Variants in TC2N observed in about 807,000 individuals in gnomAD.
TC2N encodes the protein tandem C2 domains, nuclear.
A neutral mutation model predicts 61.9 loss-of-function variants in TC2N; 51 were observed. The observed-to-expected ratio is 0.82, with a 90% CI of 0.66 to 1.04. The LOEUF is 1.04. Among genes scored for constraint, TC2N ranks in the 50% least tolerant of loss-of-function variants. The pLI, the probability that TC2N is intolerant of heterozygous loss-of-function variation, is 0.00. For synonymous variants in TC2N, 204 were observed against 192.6 expected (o/e 1.06, Z -0.49); for missense variants, 556 against 566.7 (o/e 0.98, Z 0.19).
intron 1 of TC2N, among the ~76,000 whole-genome samples, chr14:91,848,425 C>T (rs1385814773): frequency 2.0e-5 from 3 of 152,116 alleles, no homozygotes; most frequent in Non-Finnish European, 4.4e-5. Flanking sequence ...GCAGACCTTC[C>T]CTTTATCCCC....
chr14:91,836,892 G>A (rs1258237658), intron 1 of TC2N, among the ~76,000 whole-genome samples: 1 of 152,214 alleles, frequency 6.6e-6, no homozygotes, highest in Non-Finnish European at 1.5e-5. Context: ...TCTTTCTGGC[G>A]ATGTTTATGC....
intron 1 of TC2N, among the ~76,000 whole-genome samples, chr14:91,830,965 T>A (rs142899848): frequency 2.6e-5 from 4 of 152,292 alleles, no homozygotes; most frequent in South Asian, 2.1e-4. Flanking sequence ...TTAGCCTACA[T>A]TGAATGAGCC....
chr14:91,802,859 C>T (rs78449201), intron 3 of TC2N, among the ~76,000 whole-genome samples: 2,951 of 150,996 alleles, frequency 0.02, 95 homozygotes, highest in African/African-American at 0.068. Flanking sequence ...ATACAAAGTA[C>T]GTTTTCTTAC....
chr14:91,833,167 G>A (rs1477689000), intron 1 of TC2N, among the ~76,000 whole-genome samples: 4 of 152,258 alleles, frequency 2.6e-5, no homozygotes, highest in South Asian at 4.1e-4. Flanking sequence ...ACATAGGCAC[G>A]GGGCTATTTA....
chr14:91,837,068 C>A lies in TC2N; in HGVS notation c.-56-23243G>T, dbSNP rs1888053915. 6.6e-6 allele frequency among the ~76,000 whole-genome samples: 1 copy of A among 152,192 alleles called. No homozygotes were observed. The highest frequency in any genetic ancestry group is 2.1e-4 in the South Asian group (1 of 4,834). ...TGGAAAGAATATTAAATGTATCCAC[C>A]ACAGCACCTCACACCCCCGATTCTA... On this transcript the variant is annotated intron_variant, in intron 1 of 11. Transcript: ENST00000435962. The surrounding 1 kb of genome is among the most constrained non-coding windows in gnomAD (Gnocchi z 4.2).
intron 1 of TC2N, among the ~76,000 whole-genome samples, chr14:91,851,409 C>A (rs942877127): frequency 1.3e-5 from 2 of 152,134 alleles, no homozygotes; most frequent in Non-Finnish European, 2.9e-5. Flanking sequence ...ACCTCTCCAA[C>A]CTTTCTTTGG....
rs2139914697 is a variant in TC2N at position 91,846,871 on chromosome 14, A to G, written c.-57+20391T>C. ...CTGAGGTGACACTAACTGTATCAAC[A>G]AGGATGTTTTCAGCCCCAGATAAAC... On this transcript the variant is annotated intron_variant, in intron 1 of 11. Coordinates refer to ENST00000435962, the MANE Select transcript of TC2N (RefSeq NM_001128596.3). 1.3e-5 allele frequency among the ~76,000 whole-genome samples: 2 copies of G among 152,354 alleles called. 1 individual carries two copies.
intron 1 of TC2N, among the ~76,000 whole-genome samples, chr14:91,814,300 C>CAAG (rs773368693): frequency 8.4e-5 from 12 of 142,890 alleles, no homozygotes; most frequent in Non-Finnish European, 1.7e-4. Context: ...AAACCTAAGA[C>CAAG]AAGAGCACAT....
chr14:91,805,933 C>T lies in TC2N; in HGVS notation c.302-3512G>A, dbSNP rs139527995. Among the ~76,000 whole-genome samples, 219 of 152,250 alleles carry T rather than the reference C, an allele frequency of 1.4e-3. 6 individuals carry two copies. The East Asian group carries it at 0.034, about 24-fold the overall frequency. ...GGCTTGGCTGTGTCCCCATCCAAAT[C>T]TCATCTTTAATTGTAGCTCCTATAA... is the stretch of plus-strand genomic sequence containing the variant. On this transcript the variant is annotated intron_variant, in intron 3 of 11. Transcript: ENST00000435962.
At position 91,786,986 on chromosome 14, in the gene TC2N, G is replaced by A. The variant is rs1459210480; in HGVS notation, c.1162+527C>T. Among the ~76,000 whole-genome samples the A allele has an allele frequency of 2.0e-5, 3 of 151,942 alleles. No individual in the cohort carries two copies. The East Asian group carries it at 5.8e-4, about 29-fold the overall frequency. The stretch of plus-strand genomic sequence containing the variant: ...GTTACGGTGAACATGCATTGCTTTT[G>A]CCTGCCCCCATACAGTTCCCTTCTT... On this transcript the variant is annotated intron_variant, in intron 10 of 11. Coordinates refer to ENST00000435962, the MANE Select transcript of TC2N (RefSeq NM_001128596.3).
chr14:91,828,007 C>G (rs1253799885), intron 1 of TC2N, among the ~76,000 whole-genome samples: 1 of 152,150 alleles, frequency 6.6e-6, no homozygotes, highest in Non-Finnish European at 1.5e-5. Context: ...TATTTACAAA[C>G]ATATTTCACC....
intron 1 of TC2N, among the ~76,000 whole-genome samples, chr14:91,850,348 T>A (rs8006831): frequency 6.6e-6 from 1 of 151,996 alleles, no homozygotes; most frequent in African/African-American, 2.4e-5. Context: ...AAATATTTGG[T>A]GAATGAAAGA....
chr14:91,785,537 T>G (rs959427882), intron 10 of TC2N, among the ~76,000 whole-genome samples, 176 bp from the exon 11 acceptor site: 2 of 152,130 alleles, frequency 1.3e-5, no homozygotes, highest in Non-Finnish European at 2.9e-5. Flanking sequence ...TCTAATCAAC[T>G]TTATAACTTT....
intron 11 of TC2N, among the ~76,000 whole-genome samples, chr14:91,784,348 T>C (rs986193536): frequency 3.3e-5 from 5 of 152,162 alleles, no homozygotes; most frequent in African/African-American, 1.2e-4. Context: ...TTCCAAATAA[T>C]AAATGATAAA....
intron 1 of TC2N, among the ~76,000 whole-genome samples, chr14:91,820,474 C>T (rs1338872251): frequency 5.3e-5 from 8 of 151,502 alleles, no homozygotes; most frequent in South Asian, 4.2e-4. Flanking sequence ...TAATAAACAG[C>T]ATCTATGAAA....
intron 3 of TC2N, among the ~76,000 whole-genome samples, chr14:91,810,765 C>A (rs891650614): frequency 1.1e-4 from 16 of 151,000 alleles, no homozygotes; most frequent in African/African-American, 3.4e-4. Context: ...ATAAAAAATT[C>A]ATGAATAGGC....
At chr14:91,848,558 C>T (rs1888313352) in intron 1 of TC2N, among the ~76,000 whole-genome samples, 1 of 152,234 alleles carries the variant, frequency 6.6e-6, no homozygotes, top group Admixed American at 6.5e-5. Flanking sequence ...CTTCTGGTAA[C>T]TTTATTCCAA....
At chr14:91,795,980 T>C (rs2402070) in intron 8 of TC2N, among the ~76,000 whole-genome samples, 149,149 of 152,112 alleles carry the variant, frequency 0.98, 73,199 homozygotes, top group East Asian at 1. Flanking sequence ...TCACACTTTC[T>C]GTATTTTGCC....
chr14:91,828,008 A>G (rs1193245262), intron 1 of TC2N, among the ~76,000 whole-genome samples: 1 of 152,196 alleles, frequency 6.6e-6, no homozygotes, highest in Non-Finnish European at 1.5e-5. Context: ...ATTTACAAAC[A>G]TATTTCACCA....
Sources: gnomAD v4.1 joint callset for allele counts (sites outside exome capture counted in the v4.1 genomes callset) on GRCh38, gnomAD v4.1.1 for gene constraint, Gnocchi (gnomAD v3.1) non-coding constraint, MANE v1.5 for transcripts, NCBI Gene and HGNC (gene_info 2026-07-23, HGNC 2026-07-21) for gene names.